KCNK2: variants seen among roughly 807,000 people sequenced by gnomAD.
KCNK2 encodes the protein potassium two pore domain channel subfamily K member 2.
A neutral mutation model predicts 40.5 loss-of-function variants in KCNK2; 21 were observed. That is an observed-to-expected ratio of 0.52 (90% confidence interval 0.37 to 0.75). The LOEUF (loss-of-function observed/expected upper bound fraction) is 0.75, where lower values mean the gene tolerates loss of function less well. Among genes scored for constraint, KCNK2 ranks in the 30% least tolerant of loss-of-function variants. The pLI, the probability that KCNK2 is intolerant of heterozygous loss-of-function variation, is 0.00. For synonymous variants in KCNK2, 191 were observed against 202.2 expected, an observed-to-expected ratio of 0.94 and a Z score of 0.47; for missense variants, 399 against 531.6, an observed-to-expected ratio of 0.75 and a Z score of 2.45.
At chr1:215,234,059 T>C (rs1666778359) in intron 6 of KCNK2, among the ~76,000 whole-genome samples, 1 of 152,196 alleles carries the variant, frequency 6.6e-6, no homozygotes, top group Admixed American at 6.5e-5. Context: ...ACTGTGAAGA[T>C]GTCTGTTCTA....
chr1:215,178,473 A>G (rs1403577694), intron 5 of KCNK2, among the ~76,000 whole-genome samples: 1 of 152,164 alleles, frequency 6.6e-6, no homozygotes, highest in Admixed American at 6.6e-5. Context: ...TTGCCCATGC[A>G]GTATGCTGTT....
At chr1:215,097,075 G>A (rs1660008316) in intron 2 of KCNK2, among the ~76,000 whole-genome samples, 1 of 151,812 alleles carries the variant, frequency 6.6e-6, no homozygotes, top group Non-Finnish European at 1.5e-5. Flanking sequence ...AACCGAGAAA[G>A]GAGGGAGTTT....
intron 6 of KCNK2, among the ~76,000 whole-genome samples, chr1:215,224,325 T>A (rs1448346226): frequency 1.3e-5 from 2 of 152,162 alleles, no homozygotes; most frequent in African/African-American, 4.8e-5. Flanking sequence ...AAACGGACTC[T>A]GGACGCTATT....
chr1:215,200,084 C>T (rs1665022120), intron 6 of KCNK2, among the ~76,000 whole-genome samples: 1 of 152,174 alleles, frequency 6.6e-6, no homozygotes, highest in African/African-American at 2.4e-5. Flanking sequence ...TGCTTCTCTA[C>T]CAATATCATT....
chr1:215,213,533 C>T (rs1362864172), intron 6 of KCNK2, among the ~76,000 whole-genome samples: 1 of 152,152 alleles, frequency 6.6e-6, no homozygotes, highest in Non-Finnish European at 1.5e-5. Flanking sequence ...ATCGCTTGAA[C>T]CCGGGAGGCA....
intron 2 of KCNK2, among the ~76,000 whole-genome samples, chr1:215,096,399 A>G (rs1659978560): frequency 6.6e-6 from 1 of 151,982 alleles, no homozygotes. Context: ...TATGGTGTAC[A>G]TGTGATATTT....
intron 1 of KCNK2, among the ~76,000 whole-genome samples, chr1:215,044,285 G>A (rs1216874405): frequency 6.6e-6 from 1 of 152,048 alleles, no homozygotes; most frequent in East Asian, 1.9e-4. Context: ...ACCCTTCTTG[G>A]TGCTTTGTAC....
At chr1:215,193,789 C>T (rs1664759513) in intron 5 of KCNK2, among the ~76,000 whole-genome samples, 1 of 152,134 alleles carries the variant, frequency 6.6e-6, no homozygotes, top group African/African-American at 2.4e-5. Flanking sequence ...TCTGATACAG[C>T]CTACTTTTTC....
chr1:215,124,654 G>A lies in KCNK2; in HGVS notation c.379G>A (p.Ala127Thr). Residue 127 changes from alanine (A) to threonine (T), a missense_variant, in exon 3 of 7, where the codon GCA (alanine) becomes ACA (threonine). Coordinates refer to ENST00000444842, the MANE Select transcript of KCNK2 (RefSeq NM_001017425.3). Reference protein sequence around the residue: ...LIQQIVAAINAGIIPLGNTSN... With the variant: ...LIQQIVAAINTGIIPLGNTSN... ...GCAGCAAATAGTGGCAGCAATAAATGCAGGGATTATACCGTTAGGAAACAC... is the reference window on the plus strand; with the variant it reads ...GCAGCAAATAGTGGCAGCAATAAATACAGGGATTATACCGTTAGGAAACAC... 1 of 1,610,552 alleles carries A rather than the reference G, an allele frequency of 6.2e-7. No homozygotes were observed. Among genetic ancestry groups the A allele is most frequent in the Non-Finnish European group, 8.5e-7 (1 of 1,176,852 alleles).
At chr1:215,163,496 C>T (rs142104012) in intron 3 of KCNK2, among the ~76,000 whole-genome samples, 4,628 of 152,100 alleles carry the variant, frequency 0.03, 95 homozygotes, top group South Asian at 0.059. Flanking sequence ...TGTCTTGTGC[C>T]GGTTTTCAAA....
intron 6 of KCNK2, among the ~76,000 whole-genome samples, chr1:215,226,287 CAT>C (rs1444521170): frequency 5.3e-5 from 8 of 152,118 alleles, no homozygotes; most frequent in Non-Finnish European, 1.2e-4. Flanking sequence ...AAATTGTTAA[CAT>C]ATCTTTTTTG....
upstream of KCNK2, chr1:215,005,676 A>G (rs1292819410): frequency 7.0e-6 from 3 of 426,118 alleles, no homozygotes; most frequent in African/African-American, 4.1e-5. Context: ...TTCCTGAACC[A>G]GACTGTAAAA....
chr1:215,078,216 G>A (rs1292224372), upstream of KCNK2, among the ~76,000 whole-genome samples: 1 of 152,206 alleles, frequency 6.6e-6, no homozygotes, highest in Non-Finnish European at 1.5e-5. Context: ...GTAGCCTGCA[G>A]GCCGCAGGCT....
chr1:215,205,538 C>A (rs963832443), intron 6 of KCNK2, among the ~76,000 whole-genome samples: 1 of 152,116 alleles, frequency 6.6e-6, no homozygotes, highest in African/African-American at 2.4e-5. Context: ...CCACTGTGTC[C>A]GGCTGGGAAG....
At chr1:215,042,199 G>A (rs943534996) in intron 1 of KCNK2, among the ~76,000 whole-genome samples, 2 of 152,184 alleles carry the variant, frequency 1.3e-5, no homozygotes, top group Non-Finnish European at 2.9e-5. Context: ...CTAAGCAAAT[G>A]CAGAAAGACA....
chr1:215,117,572 A>T (rs932169743), intron 2 of KCNK2, among the ~76,000 whole-genome samples: 1 of 152,160 alleles, frequency 6.6e-6, no homozygotes, highest in Non-Finnish European at 1.5e-5. Context: ...ATTCTTTTGC[A>T]TGCTCATATT....
chr1:215,096,315 A>G (rs1012475828), intron 2 of KCNK2, among the ~76,000 whole-genome samples: 1 of 151,810 alleles, frequency 6.6e-6, no homozygotes, highest in African/African-American at 2.4e-5. Context: ...TTAGGGGATG[A>G]TTTAGTAACA....
At chr1:215,067,327 T>A (rs528210217) in intron 1 of KCNK2, among the ~76,000 whole-genome samples, 5 of 152,306 alleles carry the variant, frequency 3.3e-5, no homozygotes, top group South Asian at 4.1e-4. Context: ...TATAATTTTT[T>A]AAAAAAGTCT....
At chr1:215,170,034 A>T (rs896107658) in intron 4 of KCNK2, among the ~76,000 whole-genome samples, 5 of 152,148 alleles carry the variant, frequency 3.3e-5, no homozygotes, top group Non-Finnish European at 7.4e-5. Flanking sequence ...TATTTGTATA[A>T]CTTGAATAAT....
Sources: allele counts gnomAD v4.1 joint callset (sites outside exome capture counted in the v4.1 genomes callset), GRCh38; gene constraint gnomAD v4.1.1; transcripts MANE v1.5; gene names NCBI Gene and HGNC (gene_info 2026-07-23, HGNC 2026-07-21).